The following POU2F3 variants were observed in gnomAD, a reference collection of about 807,000 sequenced individuals.
POU2F3 encodes the protein POU class 2 homeobox 3.
POU2F3 carries 23 observed loss-of-function variants against 59.2 expected under a neutral mutation model. The observed-to-expected ratio is 0.39, with a 90% CI of 0.28 to 0.55. POU2F3 has a LOEUF of 0.55. Ranked by LOEUF, POU2F3 falls within the 20% of genes least tolerant of loss-of-function variation. The pLI is 0.66. For missense variants in POU2F3, 473 were observed against 544.5 expected (o/e 0.87, Z 1.31); for synonymous variants, 190 against 214.6 (o/e 0.89, Z 1.00).
At position 120,275,775 on chromosome 11, in the gene POU2F3, A is replaced by G. The variant is rs546375033; in HGVS notation, c.132+6531A>G. Among the ~76,000 whole-genome samples the G allele has an allele frequency of 2.8e-3, 430 of 152,190 alleles. 1 individual carries two copies. Among genetic ancestry groups the G allele is most frequent in the African/African-American group, 9.9e-3 (411 of 41,520 alleles). ...CAGCATTCTAAGCTCACCTGCACCA[A>G]TGGCTCTCCCATGCCTGTTTCTGGA... On this transcript the variant is annotated intron_variant, in intron 3 of 12. Coordinates refer to ENST00000543440, the MANE Select transcript of POU2F3 (RefSeq NM_014352.4).
At chr11:120,238,109 G>A (rs1024902071), upstream of POU2F3, among the ~76,000 whole-genome samples, 2 of 152,024 alleles carry the variant, frequency 1.3e-5, no homozygotes, top group African/African-American at 4.8e-5. Flanking sequence ...GCATGGTGGC[G>A]CATGCCTGTA....
intron 2 of POU2F3, among the ~76,000 whole-genome samples, chr11:120,258,141 G>A (rs1488312598): frequency 1.3e-5 from 2 of 152,162 alleles, no homozygotes; most frequent in African/African-American, 4.8e-5. Flanking sequence ...TTGTGACCAC[G>A]TGAGAGCCAG....
rs187035480 is a variant in POU2F3 at position 120,291,284 on chromosome 11, C to T, written c.133-6981C>T. The stretch of plus-strand genomic sequence containing the variant: ...GTGATAAAAACAGATGACAGAGACA[C>T]GTGGCAGTGCAGTAGAATGAACTGG... On this transcript the variant is annotated intron_variant, in intron 3 of 12. Coordinates refer to ENST00000543440, the MANE Select transcript of POU2F3 (RefSeq NM_014352.4). 3.9e-3 allele frequency among the ~76,000 whole-genome samples: 599 copies of T among 152,292 alleles called. 4 individuals carry two copies. The highest frequency in any genetic ancestry group is 9.2e-3 in the Admixed American group (141 of 15,296).
chr11:120,288,920 A>G (rs555943830), intron 3 of POU2F3, among the ~76,000 whole-genome samples: 235 of 145,592 alleles, frequency 1.6e-3, no homozygotes, highest in Non-Finnish European at 3.0e-3. Flanking sequence ...ACCTCTCAAG[A>G]CACCTTTTTC....
chr11:120,279,751 C>T (rs1477586626), intron 3 of POU2F3, among the ~76,000 whole-genome samples: 1 of 152,210 alleles, frequency 6.6e-6, no homozygotes, highest in Admixed American at 6.5e-5. Flanking sequence ...TGTGGCAAGC[C>T]CCATAATGAA....
chr11:120,291,999 G>A (rs1021401632), intron 3 of POU2F3, among the ~76,000 whole-genome samples: 1 of 151,934 alleles, frequency 6.6e-6, no homozygotes, highest in African/African-American at 2.4e-5. Context: ...TAGTAGAGAT[G>A]GGGTTTCACC....
intron 2 of POU2F3, among the ~76,000 whole-genome samples, chr11:120,252,851 C>T (rs767289514): frequency 3.9e-5 from 6 of 152,106 alleles, no homozygotes; most frequent in Non-Finnish European, 7.4e-5. Context: ...TAGCCCTGCC[C>T]GACACCATTC....
chr11:120,293,574 A>G (rs984884309), intron 3 of POU2F3, among the ~76,000 whole-genome samples: 7 of 152,162 alleles, frequency 4.6e-5, no homozygotes, highest in African/African-American at 1.4e-4. Flanking sequence ...ACGCTTTGAA[A>G]CGCTCCTTCT....
rs1377984042 is a variant in POU2F3, at chr11:120,259,062, A to C, written c.98-10148A>C. The stretch of plus-strand genomic sequence containing the variant: ...GCTCCTCTGTAGCAAAGGTGGGTGC[A>C]GCAGAGCTCCTCTGTCCCCTGTGGC... On this transcript the variant is annotated intron_variant, in intron 2 of 12. Coordinates refer to ENST00000543440, the MANE Select transcript of POU2F3 (RefSeq NM_014352.4). 7 of 152,310 alleles carry C rather than the reference A, an allele frequency of 4.6e-5. No homozygotes were observed. The East Asian group carries it at 1.2e-3, about 25-fold the overall frequency. 9.4% of individuals were successfully genotyped at this position (152,310 alleles called of 1,614,324 possible).
intron 7 of POU2F3, 68 bp from the exon 8 acceptor site, chr11:120,305,576 G>A: frequency 6.3e-7 from 1 of 1,587,424 alleles, no homozygotes; most frequent in Non-Finnish European, 8.6e-7. Context: ...CTAGGACCAT[G>A]CAGGATGTGG....
intron 3 of POU2F3, among the ~76,000 whole-genome samples, chr11:120,275,063 G>T (rs1940264237): frequency 6.6e-6 from 1 of 152,226 alleles, no homozygotes; most frequent in South Asian, 2.1e-4. Context: ...TGTCAAGCTT[G>T]CTGCCACTGA....
chr11:120,281,394 T>C (rs1940564700), intron 3 of POU2F3, among the ~76,000 whole-genome samples: 1 of 151,838 alleles, frequency 6.6e-6, no homozygotes, highest in Non-Finnish European at 1.5e-5. Context: ...CAGGACTTAC[T>C]CCATTCCCTT....
Position 120,268,610 on chromosome 11 carries a change from G to A in POU2F3, c.98-600G>A, listed in dbSNP as rs149155292. On this transcript the variant is annotated intron_variant, in intron 2 of 12. Coordinates refer to ENST00000543440, the MANE Select transcript of POU2F3 (RefSeq NM_014352.4). ...TTCTGCCTCAGCCTCCCAAAGTGCT[G>A]GGATTACAGGCATGAGCCACCGTTT... 8.5e-3 allele frequency among the ~76,000 whole-genome samples: 1,287 copies of A among 152,268 alleles called. 10 individuals are homozygous for A. Among genetic ancestry groups the A allele is most frequent in the Non-Finnish European group, 0.014 (972 of 68,012 alleles).
intron 3 of POU2F3, among the ~76,000 whole-genome samples, chr11:120,288,128 CAAAAAAAAAAA>C: frequency 1.6e-5 from 1 of 63,330 alleles, no homozygotes; most frequent in Non-Finnish European, 2.6e-5. Flanking sequence ...ACAAAAAAAC[CAAAAAAAAAAA>C]AAAAAAAAAC....
At chr11:120,293,090 T>G (rs1941078581) in intron 3 of POU2F3, among the ~76,000 whole-genome samples, 1 of 152,152 alleles carries the variant, frequency 6.6e-6, no homozygotes, top group African/African-American at 2.4e-5. Context: ...CCCAGCCTCC[T>G]AGGAGCCATA....
chr11:120,274,541 G>T (rs1591401205), intron 3 of POU2F3, among the ~76,000 whole-genome samples: 1 of 152,172 alleles, frequency 6.6e-6, no homozygotes, highest in East Asian at 1.9e-4. Context: ...GCTGAACATT[G>T]GTGGAACCAC....
intron 3 of POU2F3, among the ~76,000 whole-genome samples, chr11:120,286,028 G>GC (rs1940767127): frequency 1.3e-5 from 2 of 151,848 alleles, no homozygotes; most frequent in Non-Finnish European, 2.9e-5. Context: ...GATCACAGGC[G>GC]CCCACCACCA....
At chr11:120,307,437 TC>T in intron 8 of POU2F3, 41 bp from the exon 9 acceptor site, 1 of 1,607,724 alleles carries the variant, frequency 6.2e-7, no homozygotes, top group Non-Finnish European at 8.5e-7. Context: ...CGGCCACTCA[TC>T]CCCTTCTCTG....
chr11:120,269,198 T>C lies in POU2F3; in HGVS notation c.98-12T>C, dbSNP rs1939960115. The C allele has an allele frequency of 6.4e-7, 1 of 1,572,010 alleles. No individual in the cohort carries two copies. The highest frequency in any genetic ancestry group is 1.4e-5 in the African/African-American group (1 of 73,944). On this transcript the variant is annotated splice_polypyrimidine_tract_variant and intron_variant, in intron 2 of 12. Transcript: ENST00000543440. ...CTACCAACTAATATACATATATTTT[T>C]ATCTTTTCTAGGAAATGATCGAAAT...
Sources: allele counts gnomAD v4.1 joint callset (sites outside exome capture counted in the v4.1 genomes callset), GRCh38; gene constraint gnomAD v4.1.1; transcripts MANE v1.5; gene names NCBI Gene and HGNC (gene_info 2026-07-23, HGNC 2026-07-21).